Variants in ARK2C observed in about 807,000 individuals in gnomAD.
The protein encoded by ARK2C is E3 ubiquitin-protein ligase ARK2C.
chr18:46,397,479 G>A, the ARK2C span, among the ~76,000 whole-genome samples: 1 of 129,780 alleles, frequency 7.7e-6, no homozygotes, highest in African/African-American at 3.2e-5. Flanking sequence ...TGGTCATGCT[G>A]AGGTGTGAGG....
chr18:46,385,064 C>A, the ARK2C span, among the ~76,000 whole-genome samples: 4 of 152,082 alleles, frequency 2.6e-5, no homozygotes, highest in Non-Finnish European at 5.9e-5. Flanking sequence ...TTTCAGTTGG[C>A]AAACCTTTTG....
the ARK2C span, among the ~76,000 whole-genome samples, chr18:46,440,273 TGAGAGAGAGA>T: frequency 6.7e-6 from 1 of 148,382 alleles, no homozygotes; most frequent in African/African-American, 2.5e-5. Flanking sequence ...TTTGAGAGAC[TGAGAGAGAGA>T]GAGAGAGAGA....
the ARK2C span, among the ~76,000 whole-genome samples, chr18:46,375,234 G>A: frequency 6.6e-6 from 1 of 152,144 alleles, no homozygotes; most frequent in Non-Finnish European, 1.5e-5. Context: ...ATTGACTCTA[G>A]ATAGTTCCTT....
At chr18:46,351,865 C>A in the ARK2C span, among the ~76,000 whole-genome samples, 54 of 152,240 alleles carry the variant, frequency 3.5e-4, no homozygotes, top group East Asian at 9.6e-3. Context: ...CCTCAGCAAA[C>A]GGTAAATCTA....
chr18:46,419,171 C>T, the ARK2C span, among the ~76,000 whole-genome samples: 1 of 152,170 alleles, frequency 6.6e-6, no homozygotes, highest in African/African-American at 2.4e-5. Context: ...GCCCTTGCTA[C>T]TCTCCCCTGC....
chr18:46,337,040 C>G, the ARK2C span: 10 of 985,386 alleles, frequency 1.0e-5, no homozygotes, highest in Non-Finnish European at 1.2e-5. Context: ...CGCCCTGGCC[C>G]TCAGAGCTGC....
chr18:46,391,616 C>T, the ARK2C span, among the ~76,000 whole-genome samples: 1 of 151,964 alleles, frequency 6.6e-6, no homozygotes, highest in African/African-American at 2.4e-5. Flanking sequence ...CACCTTCCCT[C>T]ACCCTGAGCT....
chr18:46,375,737 G>A, the ARK2C span, among the ~76,000 whole-genome samples: 1 of 152,064 alleles, frequency 6.6e-6, no homozygotes, highest in Non-Finnish European at 1.5e-5. Context: ...TGACAGGCAA[G>A]TTGGAGGAGA....
chr18:46,393,021 C>T, the ARK2C span, among the ~76,000 whole-genome samples: 1 of 152,122 alleles, frequency 6.6e-6, no homozygotes. Flanking sequence ...TTGCAGAGAC[C>T]CAGAAGGGCC....
the ARK2C span, among the ~76,000 whole-genome samples, chr18:46,381,104 A>G: frequency 6.6e-6 from 1 of 152,360 alleles, no homozygotes. Context: ...AAATAGGGAC[A>G]AGGCTATCTC....
the ARK2C span, among the ~76,000 whole-genome samples, chr18:46,373,879 G>A: frequency 6.6e-6 from 1 of 150,812 alleles, no homozygotes; most frequent in East Asian, 2.0e-4. Context: ...CCCGGTCCCA[G>A]ACCCTGTGCC....
At chr18:46,356,363 T>A in the ARK2C span, among the ~76,000 whole-genome samples, 1 of 152,076 alleles carries the variant, frequency 6.6e-6, no homozygotes, top group African/African-American at 2.4e-5. Context: ...ACATGTGCCA[T>A]GGTGCAAAAT....
the ARK2C span, among the ~76,000 whole-genome samples, chr18:46,371,330 T>C: frequency 1.3e-5 from 2 of 152,046 alleles, no homozygotes; most frequent in Non-Finnish European, 2.9e-5. Context: ...GCCAACGAGA[T>C]GGCCCACTGC....
the ARK2C span, among the ~76,000 whole-genome samples, chr18:46,370,962 T>A: frequency 4.6e-5 from 7 of 152,156 alleles, no homozygotes; most frequent in Admixed American, 3.3e-4. Context: ...AATAAAGACG[T>A]ACGCGACACT....
the ARK2C span, among the ~76,000 whole-genome samples, chr18:46,428,148 C>T: frequency 1.3e-5 from 2 of 151,684 alleles, no homozygotes; most frequent in Non-Finnish European, 2.9e-5. Flanking sequence ...CAGTGGCTCA[C>T]GTCTGTAATC....
chr18:46,383,679 C>T, the ARK2C span, among the ~76,000 whole-genome samples: 5 of 152,062 alleles, frequency 3.3e-5, no homozygotes, highest in East Asian at 3.9e-4. Context: ...CTCAGCCTCC[C>T]GAGTAGCTGG....
chr18:46,437,865 CT>C, the ARK2C span, among the ~76,000 whole-genome samples: 1 of 152,218 alleles, frequency 6.6e-6, no homozygotes, highest in Admixed American at 6.5e-5. Flanking sequence ...AGGTGGAGGT[CT>C]CTAAGTACCT....
chr18:46,342,004 A>G, the ARK2C span, among the ~76,000 whole-genome samples: 4 of 152,302 alleles, frequency 2.6e-5, no homozygotes, highest in Non-Finnish European at 5.9e-5. Flanking sequence ...GGCAGGGAGT[A>G]GGGACTGAGG....
chr18:46,362,855 C>T, the ARK2C span, among the ~76,000 whole-genome samples: 4 of 152,208 alleles, frequency 2.6e-5, no homozygotes, highest in Non-Finnish European at 4.4e-5. Flanking sequence ...GGTGTGTTCA[C>T]TCAGTCCTTC....
Sources: gnomAD v4.1 joint callset for allele counts (sites outside exome capture counted in the v4.1 genomes callset) on GRCh38, gnomAD v4.1.1 for gene constraint, MANE v1.5 for transcripts, NCBI Gene and HGNC (gene_info 2026-07-23, HGNC 2026-07-21) for gene names.